The following GRID2 variants were observed in gnomAD, a reference collection of about 807,000 sequenced individuals.
GRID2 encodes the protein glutamate receptor ionotropic, delta-2.
In GRID2, 33 loss-of-function variants were observed where a neutral mutation model predicts 114.8. The observed-to-expected ratio is 0.29, with a 90% confidence interval of 0.22 to 0.38. The LOEUF is 0.38. GRID2 is among the 10% of genes least tolerant of loss of function. The pLI, the probability that GRID2 is intolerant of heterozygous loss-of-function variation, is 1.00. For missense variants in GRID2, 1,184 were observed against 1,257.7 expected, an observed-to-expected ratio of 0.94 and a Z score of 0.89; for synonymous variants, 505 against 449.9, an observed-to-expected ratio of 1.12 and a Z score of -1.55.
intron 8 of GRID2, among the ~76,000 whole-genome samples, chr4:93,355,380 G>A (rs901712400): frequency 6.6e-6 from 1 of 152,042 alleles, no homozygotes; most frequent in Non-Finnish European, 1.5e-5. Context: ...AATACTGAAT[G>A]TTGACTGGGG....
intron 2 of GRID2, among the ~76,000 whole-genome samples, chr4:93,015,846 T>G (rs752072669): frequency 5.8e-4 from 88 of 152,110 alleles, no homozygotes; most frequent in Non-Finnish European, 2.4e-4. Context: ...GTGTTTCTTA[T>G]AGCAGGCAAA....
chr4:92,647,099 A>AG (rs1405581688), intron 2 of GRID2, among the ~76,000 whole-genome samples: 4 of 152,210 alleles, frequency 2.6e-5, no homozygotes, highest in African/African-American at 9.6e-5. Context: ...CAATATGTAG[A>AG]GGAGGGATTC....
intron 13 of GRID2, among the ~76,000 whole-genome samples, chr4:93,572,473 CATT>C (rs1371936101): frequency 6.6e-6 from 1 of 151,996 alleles, no homozygotes; most frequent in African/African-American, 2.4e-5. Context: ...TTAGAGACCT[CATT>C]ATATTATAAT....
intron 12 of GRID2, among the ~76,000 whole-genome samples, chr4:93,493,625 G>T (rs967222986): frequency 4.6e-5 from 7 of 151,384 alleles, no homozygotes; most frequent in African/African-American, 1.7e-4. Context: ...AGACTTTGTG[G>T]TGTCTGTAAA....
At chr4:92,600,042 G>GTGTA (rs1240890361) in intron 2 of GRID2, among the ~76,000 whole-genome samples, 1 of 70,382 alleles carries the variant, frequency 1.4e-5, no homozygotes, top group Non-Finnish European at 2.7e-5. Context: ...GTGTGTGTGT[G>GTGTA]TGTATATATA....
intron 3 of GRID2, among the ~76,000 whole-genome samples, chr4:93,103,857 G>GT (rs1028825806): frequency 2.8e-5 from 4 of 143,078 alleles, no homozygotes; most frequent in African/African-American, 7.8e-5. Flanking sequence ...TTTTTTGTTT[G>GT]TTTTTTTCCT....
At chr4:93,788,356 C>G (rs1481391727) in intron 1 of GRID2, among the ~76,000 whole-genome samples, 1 of 151,792 alleles carries the variant, frequency 6.6e-6, no homozygotes, top group Non-Finnish European at 1.5e-5. Flanking sequence ...TAGGTTTTGG[C>G]AAAACATTGA....
intron 2 of GRID2, among the ~76,000 whole-genome samples, chr4:93,014,777 C>G (rs757320927): frequency 6.6e-6 from 1 of 152,036 alleles, no homozygotes; most frequent in African/African-American, 2.4e-5. Flanking sequence ...ATATGCACTG[C>G]GATACACACA....
At position 92,620,281 on chromosome 4, in the gene GRID2, C is replaced by A. The variant is rs1015715833; in HGVS notation, c.244+29995C>A. Among the ~76,000 whole-genome samples the A allele has an allele frequency of 2.5e-4, 38 of 151,630 alleles. 1 individual carries two copies. Among genetic ancestry groups the A allele is most frequent in the East Asian group, 1.9e-4 (1 of 5,142 alleles). On this transcript the variant is annotated intron_variant, in intron 2 of 15. Coordinates refer to ENST00000282020, the MANE Select transcript of GRID2 (RefSeq NM_001510.4). Reference sequence around the variant, plus strand: ...TCAGGGAAAAGAAAATAGCTGCCTACAATGTAAGTGATGGATTAAGGGTCA... The same window carrying A: ...TCAGGGAAAAGAAAATAGCTGCCTAAAATGTAAGTGATGGATTAAGGGTCA...
rs536178374 is a variant in GRID2 at position 92,684,332 on chromosome 4, T to G, written c.244+94046T>G. Among the ~76,000 whole-genome samples the G allele has an allele frequency of 1.4e-4, 21 of 152,122 alleles. 2 individuals carry two copies. In the South Asian group the frequency reaches 3.7e-3, roughly 27 times the overall value. Reference sequence around the variant, plus strand: ...AACTCACATTTGATTTCTTGGATTTTTTTTTACTATTAGTTAAACATAATT... The same window carrying G: ...AACTCACATTTGATTTCTTGGATTTGTTTTTACTATTAGTTAAACATAATT... On this transcript the variant is annotated intron_variant, in intron 2 of 15. Coordinates refer to ENST00000282020, the MANE Select transcript of GRID2 (RefSeq NM_001510.4).
chr4:93,775,725 T>G (rs111890220), downstream of GRID2, among the ~76,000 whole-genome samples: 131 of 152,338 alleles, frequency 8.6e-4, no homozygotes, highest in African/African-American at 3.1e-3. Flanking sequence ...AGATATCTGG[T>G]ATCACTGTAC....
intron 1 of GRID2, among the ~76,000 whole-genome samples, chr4:92,384,946 C>T (rs1055161430): frequency 2.7e-4 from 41 of 150,996 alleles, no homozygotes; most frequent in Admixed American, 5.3e-4. Context: ...GGATAGATTG[C>T]ATCACCAATA....
At chr4:93,388,896 G>A (rs2149319957) in intron 8 of GRID2, among the ~76,000 whole-genome samples, 1 of 152,204 alleles carries the variant, frequency 6.6e-6, no homozygotes, top group African/African-American at 2.4e-5. Flanking sequence ...CTGATAGTAG[G>A]GATAGATAGT....
intron 11 of GRID2, among the ~76,000 whole-genome samples, chr4:93,462,964 G>GT (rs1038237501): frequency 6.6e-6 from 1 of 152,048 alleles, no homozygotes; most frequent in Non-Finnish European, 1.5e-5. Flanking sequence ...ACAAAGACAG[G>GT]TTTTTTTCTA....
rs937480438 is a variant in GRID2 at position 93,011,947 on chromosome 4, A to G, written c.245-73048A>G. On this transcript the variant is annotated intron_variant, in intron 2 of 15. Coordinates refer to ENST00000282020, the MANE Select transcript of GRID2 (RefSeq NM_001510.4). ...ATGATATGTACTATAGAACATAGAC[A>G]ATACTTAAGTACCTTCCCTTTACCC... 1.4e-4 allele frequency among the ~76,000 whole-genome samples: 22 copies of G among 152,010 alleles called. 1 individual carries two copies. Among genetic ancestry groups the G allele is most frequent in the Admixed American group, 1.2e-3 (19 of 15,232 alleles).
At chr4:93,164,734 A>G (rs775702473) in intron 4 of GRID2, 21 of 440,524 alleles carry the variant, frequency 4.8e-5, no homozygotes, top group Non-Finnish European at 9.2e-5. Context: ...CATTTTTCAG[A>G]TGTCGTTTTA....
intron 4 of GRID2, among the ~76,000 whole-genome samples, chr4:93,118,549 C>A (rs1258378793): frequency 6.6e-6 from 1 of 152,176 alleles, no homozygotes; most frequent in East Asian, 1.9e-4. Context: ...TCACATTCTT[C>A]TCTAACTTCC....
intron 13 of GRID2, among the ~76,000 whole-genome samples, chr4:93,537,797 AT>A (rs1732245435): frequency 6.6e-6 from 1 of 151,730 alleles, no homozygotes; most frequent in Admixed American, 6.6e-5. Context: ...CCATAAAATT[AT>A]TTTTTAATTC....
intron 1 of GRID2, among the ~76,000 whole-genome samples, chr4:92,439,983 G>C (rs1210517661): frequency 6.9e-6 from 1 of 145,106 alleles, no homozygotes; most frequent in African/African-American, 2.4e-5. Context: ...CAAGTTTTTT[G>C]GGGGCACAGT....
Sources: gnomAD v4.1 joint callset for allele counts (sites outside exome capture counted in the v4.1 genomes callset) on GRCh38, gnomAD v4.1.1 for gene constraint, MANE v1.5 for transcripts, NCBI Gene and HGNC (gene_info 2026-07-23, HGNC 2026-07-21) for gene names.